Variants in AK4 observed in about 807,000 individuals in gnomAD.
AK4 encodes the protein adenylate kinase 4, also known as adenylate kinase 4, mitochondrial.
A neutral mutation model predicts 24.6 loss-of-function variants in AK4; 13 were observed. The observed-to-expected ratio is 0.53, with a 90% confidence interval of 0.34 to 0.84. The LOEUF is 0.84. AK4 is among the 40% of genes least tolerant of loss of function. AK4 has a pLI of 0.01. For synonymous variants in AK4, 88 were observed against 107.0 expected (o/e 0.82, Z 1.10); for missense variants, 192 against 288.2 (o/e 0.67, Z 2.42).
chr1:65,166,826 T>TG (rs1402878174), intron 1 of AK4, among the ~76,000 whole-genome samples: 1 of 152,206 alleles, frequency 6.6e-6, no homozygotes, highest in African/African-American at 2.4e-5. Context: ...TGGCCATACT[T>TG]GCTTTTTAAG....
At chr1:65,163,271 A>G (rs1261125749) in intron 1 of AK4, among the ~76,000 whole-genome samples, 1 of 152,260 alleles carries the variant, frequency 6.6e-6, no homozygotes, top group Non-Finnish European at 1.5e-5. Context: ...TTACCTTCTG[A>G]TAAAAGAAAA....
chr1:65,174,278 G>T (rs1030477764), intron 1 of AK4, among the ~76,000 whole-genome samples: 4 of 147,922 alleles, frequency 2.7e-5, no homozygotes, highest in Non-Finnish European at 6.0e-5. Flanking sequence ...CACTCTAGTT[G>T]TTTTTTTTTT....
intron 1 of AK4, among the ~76,000 whole-genome samples, chr1:65,187,427 A>G (rs1651140236): frequency 6.6e-6 from 1 of 150,528 alleles, no homozygotes; most frequent in Non-Finnish European, 1.5e-5. Flanking sequence ...TGGGGGCGAG[A>G]GGGAGATGAG....
At chr1:65,170,085 G>A (rs1650459147) in intron 1 of AK4, among the ~76,000 whole-genome samples, 1 of 152,100 alleles carries the variant, frequency 6.6e-6, no homozygotes, top group Non-Finnish European at 1.5e-5. Flanking sequence ...TCATAACTAA[G>A]ATCAGTTTTG....
intron 1 of AK4, among the ~76,000 whole-genome samples, chr1:65,176,217 C>G (rs1482890734): frequency 6.6e-6 from 1 of 152,032 alleles, no homozygotes; most frequent in South Asian, 2.1e-4. Context: ...TAATGCCAGC[C>G]CCTCCCCTAC....
At chr1:65,163,145 C>A (rs1280774392) in intron 1 of AK4, among the ~76,000 whole-genome samples, 1 of 152,168 alleles carries the variant, frequency 6.6e-6, no homozygotes, top group Non-Finnish European at 1.5e-5. Flanking sequence ...AATACAGGTT[C>A]ATTTGGTAAC....
At chr1:65,148,131 C>G (rs1163523975), upstream of AK4, 2 of 583,336 alleles carry the variant, frequency 3.4e-6, no homozygotes, top group Non-Finnish European at 5.3e-6. Flanking sequence ...GCTTCAGCAG[C>G]TTTGCGTGGG....
At chr1:65,200,103 T>TTTTTGTTTTGTTTTGTTTTGTTTTG (rs10676984) in intron 2 of AK4, among the ~76,000 whole-genome samples, 45 of 149,804 alleles carry the variant, frequency 3.0e-4, no homozygotes, top group East Asian at 2.2e-3. Flanking sequence ...AGGTAACAGG[T>TTTTTGTTTTGTTTTGTTTTGTTTTG]TTTTGTTTTG....
At chr1:65,209,635 C>A (rs772099007) in intron 2 of AK4, among the ~76,000 whole-genome samples, 1 of 152,078 alleles carries the variant, frequency 6.6e-6, no homozygotes, top group Non-Finnish European at 1.5e-5. Flanking sequence ...GAGAAGTACA[C>A]CTGAATTGCT....
chr1:65,175,999 T>C (rs1650702739), intron 1 of AK4, among the ~76,000 whole-genome samples: 1 of 152,204 alleles, frequency 6.6e-6, no homozygotes, highest in South Asian at 2.1e-4. Flanking sequence ...ACATAGGACG[T>C]CCAAAATTTT....
chr1:65,152,380 ATATATTTTTTTTTTTTTTTTTTT>A lies in AK4; in HGVS notation c.145+3830_145+3852del, dbSNP rs1649822566. ...TCTCTCTATATATATATATATATAT[ATATATTTTTTTTTTTTTTTTTTT>A]TTTTTTTTTTTTTTTTTGAGCCGGA... is the stretch of plus-strand genomic sequence containing the variant. On this transcript the variant is annotated intron_variant, in intron 1 of 4. Coordinates refer to ENST00000327299, the MANE Select transcript of AK4 (RefSeq NM_013410.4). Among the ~76,000 whole-genome samples, 3 of 44,002 alleles carry A rather than the reference ATATATTTTTTTTTTTTTTTTTTT, an allele frequency of 6.8e-5. 1 individual carries two copies. The highest frequency in any genetic ancestry group is 1.3e-4 in the Non-Finnish European group (3 of 23,038). 28.9% of individuals were successfully genotyped at this position (44,002 alleles called of 152,430 possible).
intron 1 of AK4, among the ~76,000 whole-genome samples, chr1:65,160,419 T>C (rs1222166571): frequency 1.3e-5 from 2 of 152,112 alleles, no homozygotes. Flanking sequence ...CACATTAAGC[T>C]TCTTTGATTT....
At chr1:65,187,876 T>C (rs1389948488) in intron 1 of AK4, among the ~76,000 whole-genome samples, 3 of 152,360 alleles carry the variant, frequency 2.0e-5, no homozygotes, top group African/African-American at 7.2e-5. Flanking sequence ...TGTGGCTTGT[T>C]CACATTCATG....
intron 1 of AK4, among the ~76,000 whole-genome samples, chr1:65,171,798 T>C (rs969574982): frequency 6.6e-6 from 1 of 151,824 alleles, no homozygotes; most frequent in Non-Finnish European, 1.5e-5. Context: ...CTAGGCATGG[T>C]GGCTCATGCC....
At chr1:65,150,844 C>T (rs1476822385) in intron 1 of AK4, among the ~76,000 whole-genome samples, 1 of 152,210 alleles carries the variant, frequency 6.6e-6, no homozygotes, top group Admixed American at 6.5e-5. Context: ...GGCTTTCCTC[C>T]TCCTGCAGCC....
chr1:65,173,648 C>G (rs1020374029), intron 1 of AK4, among the ~76,000 whole-genome samples: 9 of 152,314 alleles, frequency 5.9e-5, no homozygotes, highest in Admixed American at 2.0e-4. Flanking sequence ...GGGCAGATCG[C>G]TTGTGCTCAG....
chr1:65,166,846 ATCT>A (rs1650348980), intron 1 of AK4, among the ~76,000 whole-genome samples: 1 of 152,144 alleles, frequency 6.6e-6, no homozygotes, highest in African/African-American at 2.4e-5. Flanking sequence ...GAATTGTGTC[ATCT>A]TGGCCAGTGC....
At chr1:65,160,992 C>G (rs929332284) in intron 1 of AK4, among the ~76,000 whole-genome samples, 2 of 152,144 alleles carry the variant, frequency 1.3e-5, no homozygotes, top group African/African-American at 4.8e-5. Flanking sequence ...CGTTCAGACC[C>G]TAGCACCATG....
chr1:65,163,753 C>T (rs1650245103), intron 1 of AK4, among the ~76,000 whole-genome samples: 1 of 152,082 alleles, frequency 6.6e-6, no homozygotes, highest in East Asian at 1.9e-4. Flanking sequence ...TTTATTATTA[C>T]TCAAATCAAT....
Sources: gnomAD v4.1 joint callset for allele counts (sites outside exome capture counted in the v4.1 genomes callset) on GRCh38, gnomAD v4.1.1 for gene constraint, MANE v1.5 for transcripts, NCBI Gene and HGNC (gene_info 2026-07-23, HGNC 2026-07-21) for gene names.